Variants in DOCK9 observed in about 807,000 individuals in gnomAD.
The protein encoded by DOCK9 is dedicator of cytokinesis 9.
Under a neutral mutation model 263.3 loss-of-function variants are expected in DOCK9, and 89 were observed. The ratio of observed to expected loss-of-function variants is 0.34; its 90% CI spans 0.28 to 0.40. The LOEUF is 0.40. DOCK9 is among the 10% of genes least tolerant of loss of function. The pLI, the probability that DOCK9 is intolerant of heterozygous loss-of-function variation, is 1.00. For synonymous variants in DOCK9, 976 were observed against 973.1 expected, an observed-to-expected ratio of 1.00 and a Z score of -0.06; for missense variants, 2,140 against 2,603.4, an observed-to-expected ratio of 0.82 and a Z score of 3.87.
chr13:98,829,681 T>C lies in DOCK9; in HGVS notation c.4711A>G (p.Ile1571Val), dbSNP rs572446179. ...TCACTGTTGGCACAGTTGTTGATGA[T>C]GGACAGGGACTGCTGGAATCTGGTT... Reference protein sequence around the residue: ...GGTRFQQSLSIINNCANSDRL... With the variant: ...GGTRFQQSLSVINNCANSDRL... The change falls in exon 42 of 53, where the codon ATC becomes GTC. Residue 1571 changes from isoleucine to valine, a missense_variant. Around this residue, in one of 2 missense-constraint regions of DOCK9, gnomAD observed 619 missense variants for 861.8 expected, o/e 0.72. Coordinates refer to ENST00000682017, the MANE Select transcript of DOCK9 (RefSeq NM_001366683.2). The surrounding 1 kb of genome is among the most constrained non-coding windows in gnomAD (Gnocchi z 4.1). The C allele has an allele frequency of 7.5e-5, 121 of 1,609,822 alleles. No homozygotes were observed. The South Asian group carries it at 8.9e-4, about 12-fold the overall frequency.
At chr13:99,079,512 A>T (rs1427790002) in intron 1 of DOCK9, among the ~76,000 whole-genome samples, 1 of 152,238 alleles carries the variant, frequency 6.6e-6, no homozygotes, top group African/African-American at 2.4e-5. Flanking sequence ...ACATAATAAG[A>T]GCTTGCATTT....
At chr13:98,820,968 G>A (rs1264872009) in intron 45 of DOCK9, among the ~76,000 whole-genome samples, 3 of 152,136 alleles carry the variant, frequency 2.0e-5, no homozygotes, top group Admixed American at 6.5e-5. Flanking sequence ...TGCCTGGTTC[G>A]GCCTCAGCTG....
At chr13:98,806,130 T>C (rs1480810717) in intron 48 of DOCK9, among the ~76,000 whole-genome samples, 3 of 152,236 alleles carry the variant, frequency 2.0e-5, no homozygotes, top group Non-Finnish European at 4.4e-5. Context: ...ATTTTAGGAA[T>C]AATGTTTGGA....
intron 1 of DOCK9, chr13:99,086,103 G>T: frequency 3.1e-6 from 4 of 1,309,518 alleles, no homozygotes; most frequent in Admixed American, 4.1e-5. Context: ...TTGATTCCGC[G>T]GACCCAGCAG....
chr13:98,844,078 A>C (rs765933549), intron 38 of DOCK9, among the ~76,000 whole-genome samples: 3 of 152,230 alleles, frequency 2.0e-5, no homozygotes, highest in Non-Finnish European at 4.4e-5. Flanking sequence ...TCTGTTTATC[A>C]GTGGGGATTG....
intron 1 of DOCK9, among the ~76,000 whole-genome samples, chr13:99,027,808 A>G (rs1410620967): frequency 6.6e-6 from 1 of 152,198 alleles, no homozygotes; most frequent in Non-Finnish European, 1.5e-5. Context: ...CTACAATTTG[A>G]AAAACCACTG....
At chr13:98,795,481 G>A (rs2089263480) in intron 52 of DOCK9, among the ~76,000 whole-genome samples, 1 of 152,212 alleles carries the variant, frequency 6.6e-6, no homozygotes, top group South Asian at 2.1e-4. Context: ...AGTCTTCACA[G>A]CTGTTGGCAT....
chr13:98,940,967 C>T (rs1213719688), intron 2 of DOCK9, among the ~76,000 whole-genome samples: 1 of 152,166 alleles, frequency 6.6e-6, no homozygotes, highest in African/African-American at 2.4e-5. Context: ...AGAATAAAAT[C>T]CAAACTCCTC....
At chr13:99,050,174 T>G (rs1180215740) in intron 1 of DOCK9, among the ~76,000 whole-genome samples, 1 of 152,150 alleles carries the variant, frequency 6.6e-6, no homozygotes, top group African/African-American at 2.4e-5. Context: ...GAAAGACACA[T>G]AGCATGTGTA....
chr13:98,962,275 T>C (rs2058717744), intron 1 of DOCK9, among the ~76,000 whole-genome samples: 1 of 152,242 alleles, frequency 6.6e-6, no homozygotes, highest in Non-Finnish European at 1.5e-5. Flanking sequence ...GGATTTCTGG[T>C]GTTTATGGCT....
At chr13:98,968,938 T>G (rs967909208) in intron 1 of DOCK9, among the ~76,000 whole-genome samples, 2 of 152,206 alleles carry the variant, frequency 1.3e-5, no homozygotes, top group African/African-American at 4.8e-5. Context: ...CTTGTGGATC[T>G]CCACCCTTTC....
At chr13:98,860,543 G>A (rs1186699913) in intron 32 of DOCK9, 21 bp from the exon 33 acceptor site, 23 of 1,541,220 alleles carry the variant, frequency 1.5e-5, no homozygotes, top group Non-Finnish European at 1.9e-5. Context: ...GAGGAAAGCA[G>A]AAACAATCAA....
intron 2 of DOCK9, among the ~76,000 whole-genome samples, chr13:98,932,985 A>G (rs146482388): frequency 2.6e-3 from 394 of 152,320 alleles, no homozygotes; most frequent in African/African-American, 8.8e-3. Flanking sequence ...AAAAGCTACA[A>G]AGCAATATAC....
At chr13:98,969,902 A>C (rs1404571130) in intron 1 of DOCK9, among the ~76,000 whole-genome samples, 1 of 152,196 alleles carries the variant, frequency 6.6e-6, no homozygotes, top group Non-Finnish European at 1.5e-5. Context: ...AGCCTTTGTG[A>C]ATCAAGGAAG....
intron 2 of DOCK9, among the ~76,000 whole-genome samples, chr13:98,949,125 C>T (rs528410982): frequency 6.0e-4 from 92 of 152,208 alleles, no homozygotes; most frequent in African/African-American, 2.1e-3. Context: ...CAGGCTGGAC[C>T]GCAGCAGCAC....
chr13:99,086,604 C>G (rs951227152), exon 1 of DOCK9: 2 of 147,646 alleles, frequency 1.4e-5, no homozygotes, highest in African/African-American at 4.9e-5. Flanking sequence ...CGGGCTCGCT[C>G]CGGGCGACCG....
intron 1 of DOCK9, among the ~76,000 whole-genome samples, chr13:99,058,032 G>A (rs554906722): frequency 1.4e-4 from 21 of 151,792 alleles, no homozygotes; most frequent in Non-Finnish European, 2.1e-4. Context: ...GAGGGGGAAG[G>A]GTATTTATAC....
chr13:98,833,597 C>T (rs1164038317), intron 39 of DOCK9, among the ~76,000 whole-genome samples: 1 of 152,186 alleles, frequency 6.6e-6, no homozygotes, highest in East Asian at 1.9e-4. Flanking sequence ...GATCTCAAAA[C>T]TTGTTTGCAA....
At position 98,856,005 on chromosome 13, in the gene DOCK9, T is replaced by C. The variant is rs2093698622; in HGVS notation, c.3724A>G (p.Asn1242Asp). Residue 1242 changes from asparagine (N) to aspartate (D), a missense_variant, in exon 34 of 53, where the codon AAC (asparagine) becomes GAC (aspartate). This residue lies in a region of DOCK9 where 1,521 missense variants were observed against 1,741.7 expected (regional missense o/e 0.87). Transcript: ENST00000682017. Reference sequence around the variant, plus strand: ...TCAGCATTTCTCACACTGTTGATGTTTGGAGTTGAGGTTGTATATGGAGAA... The same window carrying C: ...TCAGCATTTCTCACACTGTTGATGTCTGGAGTTGAGGTTGTATATGGAGAA... ...IASPYTTSTP[N>D]INSVRNADSR... is the part of the protein sequence containing the mutation. The C allele has an allele frequency of 6.2e-7, 1 of 1,613,840 alleles. No homozygotes were observed. Among genetic ancestry groups the C allele is most frequent in the Non-Finnish European group, 8.5e-7 (1 of 1,179,864 alleles).
Sources: gnomAD v4.1 joint callset for allele counts (sites outside exome capture counted in the v4.1 genomes callset) on GRCh38, gnomAD v4.1.1 for gene constraint, gnomAD v4.1.1 regional missense constraint, Gnocchi (gnomAD v3.1) non-coding constraint, MANE v1.5 for transcripts, NCBI Gene and HGNC (gene_info 2026-07-23, HGNC 2026-07-21) for gene names.